The following SORCS3 variants were observed in gnomAD, a reference collection of about 807,000 sequenced individuals.
The protein encoded by SORCS3 is sortilin related VPS10 domain containing receptor 3, also known as VPS10 domain-containing receptor SorCS3.
A neutral mutation model predicts 146.3 loss-of-function variants in SORCS3; 57 were observed. That is an observed-to-expected ratio of 0.39 (90% CI 0.31 to 0.49). SORCS3 has a LOEUF of 0.49. Ranked by LOEUF, SORCS3 falls within the 20% of genes least tolerant of loss-of-function variation. The pLI, the probability that SORCS3 is intolerant of heterozygous loss-of-function variation, is 0.92. For missense variants in SORCS3, 1,341 were observed against 1,575.5 expected (o/e 0.85, Z 2.52); for synonymous variants, 653 against 618.5 (o/e 1.06, Z -0.83).
At chr10:105,245,500 T>A in intron 20 of SORCS3, 42 bp from the exon 21 acceptor site, 1 of 1,605,182 alleles carries the variant, frequency 6.2e-7, no homozygotes, top group Middle Eastern at 1.7e-4. Context: ...AAAGTTGATA[T>A]CCCACACAAG....
chr10:105,225,642 T>C (rs1258416148), intron 20 of SORCS3, among the ~76,000 whole-genome samples: 1 of 152,042 alleles, frequency 6.6e-6, no homozygotes, highest in Non-Finnish European at 1.5e-5. Flanking sequence ...TTGATGGGCA[T>C]TGGATTGCAT....
At position 104,820,046 on chromosome 10, in the gene SORCS3, T is replaced by C. The variant is rs542732750; in HGVS notation, c.628-22746T>C. 4.6e-5 allele frequency among the ~76,000 whole-genome samples: 7 copies of C among 152,286 alleles called. No homozygotes were observed. In the South Asian group the frequency reaches 1.4e-3, roughly 32 times the overall value. The stretch of plus-strand genomic sequence containing the variant: ...TACTTTAAACTTAGTCTTAAGGAGA[T>C]TCTAGTGGAGGTTCTCATATGCACC... On this transcript the variant is annotated intron_variant, in intron 1 of 26. Coordinates refer to ENST00000369701, the MANE Select transcript of SORCS3 (RefSeq NM_014978.3).
intron 4 of SORCS3, among the ~76,000 whole-genome samples, chr10:105,026,767 A>G (rs1472824776): frequency 6.6e-6 from 1 of 152,184 alleles, no homozygotes; most frequent in Non-Finnish European, 1.5e-5. Flanking sequence ...TATAAATGGG[A>G]GCTAAACATT....
chr10:105,078,219 C>A (rs974050144), intron 5 of SORCS3, among the ~76,000 whole-genome samples: 5 of 152,074 alleles, frequency 3.3e-5, no homozygotes, highest in African/African-American at 1.2e-4. Flanking sequence ...CAACATTTAT[C>A]CTAAACATAC....
intron 3 of SORCS3, among the ~76,000 whole-genome samples, chr10:104,970,664 CTTA>C (rs1156650884): frequency 4.6e-5 from 7 of 152,120 alleles, no homozygotes; most frequent in Non-Finnish European, 1.0e-4. Context: ...TGCTCCATTT[CTTA>C]AAAATTTGCT....
intron 4 of SORCS3, among the ~76,000 whole-genome samples, chr10:105,029,549 T>C (rs1341122350): frequency 6.6e-6 from 1 of 152,248 alleles, no homozygotes; most frequent in African/African-American, 2.4e-5. Flanking sequence ...CTAATTGTCT[T>C]TCAGCATTGG....
chr10:104,658,062 T>G (rs2015654295), intron 1 of SORCS3, among the ~76,000 whole-genome samples: 1 of 152,214 alleles, frequency 6.6e-6, no homozygotes, highest in South Asian at 2.1e-4. Context: ...GCTGAATTCA[T>G]TTTAAAATTG....
chr10:105,013,858 A>G (rs1041921197), intron 4 of SORCS3, among the ~76,000 whole-genome samples: 3 of 151,974 alleles, frequency 2.0e-5, no homozygotes, highest in Non-Finnish European at 4.4e-5. Context: ...AAGGTCCAAG[A>G]GCAAACCAGA....
chr10:104,984,634 A>G (rs552868717), intron 4 of SORCS3, among the ~76,000 whole-genome samples: 1 of 152,292 alleles, frequency 6.6e-6, no homozygotes, highest in African/African-American at 2.4e-5. Context: ...TTATGCAACC[A>G]TTAAAATAGT....
chr10:105,023,608 C>A (rs532435058), intron 4 of SORCS3, among the ~76,000 whole-genome samples: 20 of 152,180 alleles, frequency 1.3e-4, no homozygotes, highest in African/African-American at 4.8e-4. Flanking sequence ...TGCACCATGC[C>A]ATCTTGGCAA....
At chr10:104,838,274 C>T (rs2018094058) in intron 1 of SORCS3, among the ~76,000 whole-genome samples, 1 of 152,116 alleles carries the variant, frequency 6.6e-6, no homozygotes, top group South Asian at 2.1e-4. Flanking sequence ...CGGAGCCACA[C>T]TCTCATCTCT....
At chr10:105,179,456 A>G (rs2056429088) in intron 14 of SORCS3, among the ~76,000 whole-genome samples, 1 of 152,216 alleles carries the variant, frequency 6.6e-6, no homozygotes, top group Non-Finnish European at 1.5e-5. Flanking sequence ...AGAGCTTGAC[A>G]GAGCTTCTGT....
chr10:104,856,461 C>A, intron 2 of SORCS3, among the ~76,000 whole-genome samples: 1 of 128,854 alleles, frequency 7.8e-6, no homozygotes, highest in Admixed American at 7.4e-5. Flanking sequence ...TCTGTAATAA[C>A]TAATTTATAT....
intron 1 of SORCS3, among the ~76,000 whole-genome samples, chr10:104,811,097 A>G (rs1367283372): frequency 3.3e-5 from 5 of 152,220 alleles, no homozygotes; most frequent in Non-Finnish European, 4.4e-5. Flanking sequence ...AATAATTATA[A>G]CACAAAACAA....
At chr10:105,107,306 T>G (rs2055829076) in intron 7 of SORCS3, among the ~76,000 whole-genome samples, 1 of 150,864 alleles carries the variant, frequency 6.6e-6, no homozygotes. Flanking sequence ...TATCTCTTTC[T>G]ATTTAGATTT....
At chr10:104,919,240 G>A (rs531520267) in intron 3 of SORCS3, among the ~76,000 whole-genome samples, 60 of 152,216 alleles carry the variant, frequency 3.9e-4, no homozygotes, top group African/African-American at 1.4e-3. Context: ...TTTGTTGTCT[G>A]GTCTGAGAAA....
At chr10:104,904,261 C>T (rs2018880703) in intron 2 of SORCS3, among the ~76,000 whole-genome samples, 1 of 152,168 alleles carries the variant, frequency 6.6e-6, no homozygotes, top group African/African-American at 2.4e-5. Flanking sequence ...CATCTATGTA[C>T]AGGAATTTCA....
At chr10:105,121,783 G>C (rs2055935564) in intron 7 of SORCS3, among the ~76,000 whole-genome samples, 1 of 152,162 alleles carries the variant, frequency 6.6e-6, no homozygotes. Context: ...AGATATACTT[G>C]GGGGATTTAC....
At chr10:104,799,867 G>A (rs1345144249) in intron 1 of SORCS3, among the ~76,000 whole-genome samples, 4 of 151,922 alleles carry the variant, frequency 2.6e-5, no homozygotes, top group Non-Finnish European at 4.4e-5. Flanking sequence ...TAGTAGAGGC[G>A]AGGTTTCATC....
Sources: allele counts gnomAD v4.1 joint callset (sites outside exome capture counted in the v4.1 genomes callset), GRCh38; gene constraint gnomAD v4.1.1; transcripts MANE v1.5; gene names NCBI Gene and HGNC (gene_info 2026-07-23, HGNC 2026-07-21).